KLHL24: variants seen among roughly 807,000 people sequenced by gnomAD.
KLHL24 encodes the protein kelch-like protein 24.
A neutral mutation model predicts 53.4 loss-of-function variants in KLHL24; 29 were observed. The observed-to-expected ratio is 0.54, with a 90% CI of 0.40 to 0.74. The LOEUF (loss-of-function observed/expected upper bound fraction) is 0.74. Among genes scored for constraint, KLHL24 ranks in the 30% least tolerant of loss-of-function variants. KLHL24 has a pLI of 0.00. For synonymous variants in KLHL24, 222 were observed against 253.7 expected, an observed-to-expected ratio of 0.88 and a Z score of 1.19; for missense variants, 504 against 744.0, an observed-to-expected ratio of 0.68 and a Z score of 3.75.
rs552460055 is a variant in KLHL24, at chr3:183,680,671, A to G, written c.*1385A>G. 6 of 152,312 alleles carry G rather than the reference A, an allele frequency of 3.9e-5. No individual in the cohort carries two copies. The South Asian group carries it at 1.2e-3, about 32-fold the overall frequency. 9.4% of individuals were successfully genotyped at this position (152,312 alleles called of 1,614,324 possible). ...TTATAAAGCTTATCAGTTTTCAGAGAGGAATGTGAATTTTTTTTCTAATGC... is the reference window on the plus strand; with the variant it reads ...TTATAAAGCTTATCAGTTTTCAGAGGGGAATGTGAATTTTTTTTCTAATGC... On this transcript the variant is annotated 3_prime_UTR_variant, in exon 8 of 8. Coordinates refer to ENST00000242810, the MANE Select transcript of KLHL24 (RefSeq NM_017644.3).
Position 183,650,195 on chromosome 3 carries a change from T to C in KLHL24, c.-61-101T>C, listed in dbSNP as rs951936896. 3 of 603,708 alleles carry C rather than the reference T, an allele frequency of 5.0e-6. No homozygotes were observed. Among genetic ancestry groups the C allele is most frequent in the South Asian group, 4.4e-5 (2 of 45,662 alleles). The allele number at this position is 603,708 out of a possible 1,614,324, so 37.4% of individuals were successfully genotyped here. On this transcript the variant is annotated intron_variant, in intron 2 of 7. Coordinates refer to ENST00000242810, the MANE Select transcript of KLHL24 (RefSeq NM_017644.3). This position sits in a 1 kb window ranked among gnomAD's most constrained non-coding sequence, Gnocchi z 4.5. ...AGTGCTGTGTACCCTATATGAAATA[T>C]ATTATGTGATTTTGTTGTAGTGTTT...
chr3:183,667,224 C>T, intron 5 of KLHL24, among the ~76,000 whole-genome samples: 1 of 152,176 alleles, frequency 6.6e-6, no homozygotes, highest in East Asian at 1.9e-4. Context: ...TCGAGACCAT[C>T]CTGGCCAACA....
At chr3:183,644,350 C>A (rs1576886693) in intron 2 of KLHL24, among the ~76,000 whole-genome samples, 1 of 152,072 alleles carries the variant, frequency 6.6e-6, no homozygotes. Context: ...TCCTGCAAAT[C>A]ATTTATACAT....
chr3:183,670,225 A>G (rs1378149819), intron 5 of KLHL24, among the ~76,000 whole-genome samples: 1 of 152,130 alleles, frequency 6.6e-6, no homozygotes, highest in African/African-American at 2.4e-5. Flanking sequence ...TGATCATGCC[A>G]CTGCACTCCA....
rs139480535 is a variant in KLHL24 at position 183,684,372 on chromosome 3, T to G, written c.*5086T>G. On this transcript the variant is annotated 3_prime_UTR_variant, in exon 8 of 8. Coordinates refer to ENST00000242810, the MANE Select transcript of KLHL24 (RefSeq NM_017644.3). ...TGCTTTGTATTTAATTGTTCTTAGTTAAGTTGTAGCACGTGAATACTTACT... is the reference window on the plus strand; with the variant it reads ...TGCTTTGTATTTAATTGTTCTTAGTGAAGTTGTAGCACGTGAATACTTACT... The G allele has an allele frequency of 6.5e-5, 10 of 152,790 alleles. No homozygotes were observed. Among genetic ancestry groups the G allele is most frequent in the Non-Finnish European group, 1.3e-4 (9 of 68,032 alleles). The allele number at this position is 152,790 out of a possible 1,614,324, so 9.5% of individuals were successfully genotyped here. A position where few individuals can be genotyped will look rare whatever the true frequency, so the allele number is the denominator to read the frequency against.
intron 2 of KLHL24, among the ~76,000 whole-genome samples, chr3:183,644,875 G>A (rs1717004435): frequency 1.3e-5 from 2 of 152,150 alleles, no homozygotes; most frequent in Admixed American, 1.3e-4. Context: ...TTCTTACAAT[G>A]TGCTATTTTG....
chr3:183,651,774 C>T (rs984284561), intron 3 of KLHL24, among the ~76,000 whole-genome samples: 4 of 152,038 alleles, frequency 2.6e-5, no homozygotes, highest in African/African-American at 7.2e-5. Context: ...GGCAACATAG[C>T]GAGACCTCAT....
At chr3:183,659,919 T>C (rs1719470688) in intron 3 of KLHL24, among the ~76,000 whole-genome samples, 2 of 152,182 alleles carry the variant, frequency 1.3e-5, no homozygotes, top group African/African-American at 4.8e-5. Context: ...CTGTGCTAGG[T>C]TGAGCAGATG....
intron 6 of KLHL24, 33 bp downstream of exon 6, chr3:183,671,255 A>G (rs750040119): frequency 1.0e-5 from 16 of 1,576,796 alleles, no homozygotes; most frequent in Non-Finnish European, 1.3e-5. Flanking sequence ...AATTACCAAT[A>G]TTAAGTACAA....
intron 7 of KLHL24, among the ~76,000 whole-genome samples, chr3:183,676,041 TAAGTCTAACAAA>T (rs1711795434): frequency 6.6e-6 from 1 of 152,220 alleles, no homozygotes; most frequent in African/African-American, 2.4e-5. Flanking sequence ...AGAAGTATAT[TAAGTCTAACAAA>T]GACAAATAAT....
rs1712667046 is a variant in KLHL24 at position 183,681,459 on chromosome 3, G to A, written c.*2173G>A. On this transcript the variant is annotated 3_prime_UTR_variant, in exon 8 of 8. Coordinates refer to ENST00000242810, the MANE Select transcript of KLHL24 (RefSeq NM_017644.3). ...AGTATTAACTATTTACTTTTATTTT[G>A]TTATACATTTATTTTAATATCCATG... is the stretch of plus-strand genomic sequence containing the variant. 6.6e-6 allele frequency: 1 copy of A among 151,598 alleles called. No homozygotes were observed. The highest frequency in any genetic ancestry group is 2.4e-5 in the African/African-American group (1 of 41,268). The allele number at this position is 151,598 out of a possible 1,614,324, so 9.4% of individuals were successfully genotyped here. A position where few individuals can be genotyped will look rare whatever the true frequency, so the allele number is the denominator to read the frequency against.
intron 1 of KLHL24, among the ~76,000 whole-genome samples, chr3:183,639,120 GA>G (rs1187262319): frequency 3.3e-5 from 5 of 152,092 alleles, no homozygotes; most frequent in Admixed American, 6.6e-5. Flanking sequence ...AGAATCACTT[GA>G]ACCGGGAGGC....
chr3:183,670,028 G>A (rs991168011), intron 5 of KLHL24, among the ~76,000 whole-genome samples: 1 of 152,180 alleles, frequency 6.6e-6, no homozygotes, highest in Non-Finnish European at 1.5e-5. Flanking sequence ...AGGATGGCTT[G>A]AGAGTGGGAG....
chr3:183,642,012 C>T (rs1412351654), intron 1 of KLHL24, among the ~76,000 whole-genome samples: 1 of 152,132 alleles, frequency 6.6e-6, no homozygotes, highest in Non-Finnish European at 1.5e-5. Flanking sequence ...TTATGAGAGG[C>T]TCTATTCCAG....
intron 1 of KLHL24, among the ~76,000 whole-genome samples, chr3:183,639,849 C>G (rs1270054689): frequency 1.6e-5 from 1 of 60,618 alleles, no homozygotes; most frequent in African/African-American, 3.1e-4. Context: ...CACTAAAAAC[C>G]AAACAAACAA....
chr3:183,645,692 G>A (rs1717126901), intron 2 of KLHL24, among the ~76,000 whole-genome samples: 1 of 152,032 alleles, frequency 6.6e-6, no homozygotes, highest in Admixed American at 6.6e-5. Flanking sequence ...ATGAAATAGA[G>A]CTTTTATTTG....
intron 3 of KLHL24, among the ~76,000 whole-genome samples, chr3:183,660,455 T>A (rs1264871782): frequency 2.6e-5 from 4 of 152,188 alleles, no homozygotes; most frequent in African/African-American, 9.7e-5. Flanking sequence ...TGTAATCTAT[T>A]TCATAGTCTG....
chr3:183,660,193 A>G (rs79013182), intron 3 of KLHL24, among the ~76,000 whole-genome samples: 2,560 of 148,868 alleles, frequency 0.017, 79 homozygotes, highest in African/African-American at 0.061. Flanking sequence ...GTGCAGTGGC[A>G]CGATCATGGC....
At chr3:183,639,629 CAAAAAAAA>C (rs767908911) in intron 1 of KLHL24, among the ~76,000 whole-genome samples, 3 of 39,480 alleles carry the variant, frequency 7.6e-5, no homozygotes, top group Non-Finnish European at 1.5e-4. Context: ...GACTCTGTCT[CAAAAAAAA>C]AAAAAAAAAA....
Sources: allele counts gnomAD v4.1 joint callset (sites outside exome capture counted in the v4.1 genomes callset), GRCh38; gene constraint gnomAD v4.1.1; non-coding constraint Gnocchi (gnomAD v3.1); transcripts MANE v1.5; gene names NCBI Gene and HGNC (gene_info 2026-07-23, HGNC 2026-07-21).